EMCN: variants seen among roughly 807,000 people sequenced by gnomAD.
EMCN encodes the protein endomucin.
A neutral mutation model predicts 38.4 loss-of-function variants in EMCN; 37 were observed. That is an observed-to-expected ratio of 0.96 (90% CI 0.74 to 1.27). EMCN has a LOEUF of 1.27. Ranked by LOEUF, EMCN falls within the 50% of genes most tolerant of loss-of-function variation. The pLI, the probability that EMCN is intolerant of heterozygous loss-of-function variation, is 0.00. For missense variants in EMCN, 318 were observed against 302.8 expected (o/e 1.05, Z -0.37); for synonymous variants, 95 against 100.8 (o/e 0.94, Z 0.35).
At chr4:100,423,272 A>G (rs1726943694) in intron 6 of EMCN, 40 bp downstream of exon 6, 5 of 1,487,764 alleles carry the variant, frequency 3.4e-6, no homozygotes, top group African/African-American at 1.4e-5. Context: ...AGAAAGGGTC[A>G]GGTAGAGCAG....
intron 5 of EMCN, among the ~76,000 whole-genome samples, chr4:100,446,858 T>C (rs756497161): frequency 1.4e-4 from 21 of 152,352 alleles, no homozygotes; most frequent in Admixed American, 4.6e-4. Flanking sequence ...TTTCTGTTCC[T>C]GTTTCATTTA....
At position 100,500,551 on chromosome 4, in the gene EMCN, T is replaced by C. The variant is rs560765551; in HGVS notation, c.64+17300A>G. On this transcript the variant is annotated intron_variant, in intron 1 of 11. Coordinates refer to ENST00000296420, the MANE Select transcript of EMCN (RefSeq NM_016242.4). ...TAGAGGTAACTGCTAATCTGATTTATGGTAATCATTCTTAGCCTTTCTTTA... is the reference window on the plus strand; with the variant it reads ...TAGAGGTAACTGCTAATCTGATTTACGGTAATCATTCTTAGCCTTTCTTTA... 2.0e-5 allele frequency among the ~76,000 whole-genome samples: 3 copies of C among 152,274 alleles called. No individual in the cohort carries two copies. In the South Asian group the frequency reaches 6.2e-4, roughly 32 times the overall value.
Position 100,475,038 on chromosome 4 carries a change from C to T in EMCN, c.259G>A (p.Gly87Arg). Residue 87 changes from glycine to arginine, a missense_variant and splice_region_variant, in exon 3 of 12, where the codon GGA becomes AGA. Coordinates refer to ENST00000296420, the MANE Select transcript of EMCN (RefSeq NM_016242.4). Reference protein sequence around the residue: ...TATFLTSKDEGLKATTTDVRK... With the variant: ...TATFLTSKDERLKATTTDVRK... ...TGTAGAAAAATGAATCATTACTCAC[C>T]TTCATCTTTACTTGTTAAAAAAGTA... 1 of 1,481,950 alleles carries T rather than the reference C, an allele frequency of 6.7e-7. No individual in the cohort carries two copies. Among genetic ancestry groups the T allele is most frequent in the Admixed American group, 1.8e-5 (1 of 54,136 alleles). The allele number at this position is 1,481,950 out of a possible 1,614,324, so 91.8% of individuals were successfully genotyped here. A position where few individuals can be genotyped will look rare whatever the true frequency, so the allele number is the denominator to read the frequency against.
rs181674546 is a variant in EMCN, at chr4:100,413,298, A to G, written c.751+2600T>C. Among the ~76,000 whole-genome samples, 240 of 152,196 alleles carry G rather than the reference A, an allele frequency of 1.6e-3. 1 individual carries two copies. The highest frequency in any genetic ancestry group is 5.6e-3 in the African/African-American group (231 of 41,532). On this transcript the variant is annotated intron_variant, in intron 10 of 11. Transcript: ENST00000296420. ...TTCTGTATTTTAAAAATTTCTAAAA[A>G]TTTTTATATAGGCAGCAGTAGAAAA... is the stretch of plus-strand genomic sequence containing the variant.
chr4:100,450,706 T>C (rs1727813868), intron 4 of EMCN, among the ~76,000 whole-genome samples: 1 of 151,972 alleles, frequency 6.6e-6, no homozygotes, highest in Admixed American at 6.6e-5. Context: ...CTCTTGTATC[T>C]GCCTACTTGA....
At chr4:100,478,680 G>A (rs1728725525) in intron 2 of EMCN, among the ~76,000 whole-genome samples, 1 of 152,100 alleles carries the variant, frequency 6.6e-6, no homozygotes, top group Non-Finnish European at 1.5e-5. Flanking sequence ...TTCGGATATA[G>A]CTGTCTATTT....
chr4:100,513,405 T>A (rs1729676742), intron 1 of EMCN, among the ~76,000 whole-genome samples: 1 of 152,162 alleles, frequency 6.6e-6, no homozygotes, highest in Non-Finnish European at 1.5e-5. Context: ...TAAAGATGTA[T>A]GATTTTTTTT....
Position 100,475,117 on chromosome 4 carries a change from G to T in EMCN, c.188-8C>A. The T allele has an allele frequency of 7.3e-7, 1 of 1,364,282 alleles. No individual in the cohort carries two copies. Among genetic ancestry groups the T allele is most frequent in the South Asian group, 1.5e-5 (1 of 65,174 alleles). The allele number at this position is 1,364,282 out of a possible 1,614,324, so 84.5% of individuals were successfully genotyped here. On this transcript the variant is annotated splice_polypyrimidine_tract_variant and splice_region_variant and intron_variant, in intron 2 of 11. Transcript: ENST00000296420. ...ATTCATTGGTGATTGTTCCTAGTTT[G>T]ATAAAATAGATTAAATTATTATTAA...
At chr4:100,449,494 A>T (rs116205268) in intron 4 of EMCN, among the ~76,000 whole-genome samples, 3,199 of 152,222 alleles carry the variant, frequency 0.021, 50 homozygotes, top group Non-Finnish European at 0.032. Flanking sequence ...CCTACTTTTG[A>T]TAACTAATTA....
rs138487634 is a variant in EMCN at position 100,510,477 on chromosome 4, A to T, written c.64+7374T>A. The stretch of plus-strand genomic sequence containing the variant: ...TTGTTTAAATATTTTCTGCTTCTGG[A>T]TTGGAATCAACTTAGAAATAAAATA... On this transcript the variant is annotated intron_variant, in intron 1 of 11. Transcript: ENST00000296420. Among the ~76,000 whole-genome samples the T allele has an allele frequency of 4.9e-4, 75 of 152,270 alleles. 1 individual carries two copies. The East Asian group carries it at 0.011, about 22-fold the overall frequency.
chr4:100,410,577 A>C (rs779518793), intron 10 of EMCN, among the ~76,000 whole-genome samples: 1 of 152,098 alleles, frequency 6.6e-6, no homozygotes, highest in Non-Finnish European at 1.5e-5. Context: ...AGCAATATGA[A>C]GTCCTGGGTG....
At chr4:100,505,690 C>T (rs180923897) in intron 1 of EMCN, among the ~76,000 whole-genome samples, 5 of 152,208 alleles carry the variant, frequency 3.3e-5, no homozygotes, top group South Asian at 2.1e-4. Context: ...GCACAGCTTA[C>T]GGCGCCACAT....
chr4:100,504,729 C>A (rs781645472), intron 1 of EMCN, among the ~76,000 whole-genome samples: 2 of 152,192 alleles, frequency 1.3e-5, no homozygotes, highest in African/African-American at 4.8e-5. Context: ...CACGGTCTAG[C>A]GGTAGAGTCA....
intron 11 of EMCN, among the ~76,000 whole-genome samples, chr4:100,399,540 A>C (rs1167665418): frequency 2.0e-5 from 3 of 152,104 alleles, no homozygotes; most frequent in African/African-American, 4.8e-5. Context: ...AGGATAAGGA[A>C]AGGATTGTAG....
At chr4:100,402,745 C>T (rs1726290242) in intron 11 of EMCN, among the ~76,000 whole-genome samples, 1 of 152,168 alleles carries the variant, frequency 6.6e-6, no homozygotes, top group Non-Finnish European at 1.5e-5. Context: ...GGGAGTTGAA[C>T]AAAAATTACT....
chr4:100,451,594 C>T (rs975193755), intron 4 of EMCN, among the ~76,000 whole-genome samples: 2 of 151,872 alleles, frequency 1.3e-5, no homozygotes, highest in Non-Finnish European at 2.9e-5. Context: ...TAGTTGTTTT[C>T]TAATTCCTTA....
At chr4:100,488,276 T>G (rs1728991804) in intron 1 of EMCN, among the ~76,000 whole-genome samples, 1 of 152,222 alleles carries the variant, frequency 6.6e-6, no homozygotes, top group Non-Finnish European at 1.5e-5. Flanking sequence ...GAAGCTTGTA[T>G]GTCAGGAGTT....
rs1285446475 is a variant in EMCN, at chr4:100,422,282, G to A, written c.568+739C>T. Among the ~76,000 whole-genome samples, 8 of 152,134 alleles carry A rather than the reference G, an allele frequency of 5.3e-5. No homozygotes were observed. The East Asian group carries it at 1.5e-3, about 29-fold the overall frequency. On this transcript the variant is annotated intron_variant, in intron 7 of 11. Coordinates refer to ENST00000296420, the MANE Select transcript of EMCN (RefSeq NM_016242.4). Reference sequence around the variant, plus strand: ...TCTGCTGATTTCATAATAGACCTTAGGTGAAATCATTATTGCCTCCCAAAT... The same window carrying A: ...TCTGCTGATTTCATAATAGACCTTAAGTGAAATCATTATTGCCTCCCAAAT...
At chr4:100,433,337 T>C (rs1727255007) in intron 5 of EMCN, among the ~76,000 whole-genome samples, 1 of 152,186 alleles carries the variant, frequency 6.6e-6, no homozygotes, top group Non-Finnish European at 1.5e-5. Context: ...GAATATGGAA[T>C]ATTATTCTTT....
Sources: allele counts gnomAD v4.1 joint callset (sites outside exome capture counted in the v4.1 genomes callset), GRCh38; gene constraint gnomAD v4.1.1; transcripts MANE v1.5; gene names NCBI Gene and HGNC (gene_info 2026-07-23, HGNC 2026-07-21).